Variants in NFATC3 observed in about 807,000 individuals in gnomAD.
NFATC3 encodes nuclear factor of activated T-cells, cytoplasmic 3.
NFATC3 carries 46 observed loss-of-function variants against 98.6 expected under a neutral mutation model. The observed-to-expected ratio is 0.47, with a 90% CI of 0.37 to 0.60. NFATC3 has a LOEUF of 0.60. Among genes scored for constraint, NFATC3 ranks in the 20% least tolerant of loss-of-function variants. NFATC3 has a pLI of 0.00. For synonymous variants in NFATC3, 512 were observed against 472.2 expected (o/e 1.08, Z -1.09); for missense variants, 1,256 against 1,295.5 (o/e 0.97, Z 0.47).
intron 9 of NFATC3, among the ~76,000 whole-genome samples, chr16:68,196,575 C>T (rs1459207787): frequency 6.6e-6 from 1 of 152,094 alleles, no homozygotes; most frequent in East Asian, 1.9e-4. Flanking sequence ...AGCTTGTAAT[C>T]CCAGCTATTC....
At chr16:68,132,555 C>T (rs567428671) in intron 3 of NFATC3, among the ~76,000 whole-genome samples, 11 of 152,252 alleles carry the variant, frequency 7.2e-5, no homozygotes, top group Admixed American at 3.9e-4. Context: ...GGGAATTCAT[C>T]CATAGAAGAG....
At chr16:68,160,715 A>G (rs2038852238) in intron 4 of NFATC3, among the ~76,000 whole-genome samples, 1 of 151,258 alleles carries the variant, frequency 6.6e-6, no homozygotes, top group Non-Finnish European at 1.5e-5. Flanking sequence ...TAGACTGTCT[A>G]AATTTGTTGC....
At chr16:68,217,748 A>G (rs1418339716) in intron 9 of NFATC3, 1 of 1,231,466 alleles carries the variant, frequency 8.1e-7, no homozygotes, top group Non-Finnish European at 1.0e-6. Context: ...GTCATGACTG[A>G]GTCTTAGCCC....
At chr16:68,130,425 A>G (rs947671769) in intron 3 of NFATC3, among the ~76,000 whole-genome samples, 1 of 151,944 alleles carries the variant, frequency 6.6e-6, no homozygotes, top group African/African-American at 2.4e-5. Flanking sequence ...ATTTTTTTAT[A>G]TACCTGTTTG....
intron 9 of NFATC3, among the ~76,000 whole-genome samples, chr16:68,196,975 A>G (rs536382142): frequency 2.0e-5 from 3 of 152,290 alleles, no homozygotes; most frequent in African/African-American, 7.2e-5. Flanking sequence ...GGTTGCGGTG[A>G]GCCGAGATTG....
At chr16:68,137,858 C>T (rs2037519262) in intron 3 of NFATC3, among the ~76,000 whole-genome samples, 2 of 151,908 alleles carry the variant, frequency 1.3e-5, no homozygotes, top group African/African-American at 2.4e-5. Flanking sequence ...CCTCGTGATC[C>T]GCCCTCCTCG....
chr16:68,104,587 T>G (rs1056772805), intron 1 of NFATC3, among the ~76,000 whole-genome samples: 2 of 152,036 alleles, frequency 1.3e-5, no homozygotes, highest in Non-Finnish European at 1.5e-5. Context: ...TTATCTTGCT[T>G]CTTATCTTGG....
chr16:68,211,587 A>G (rs747139468), intron 9 of NFATC3, among the ~76,000 whole-genome samples: 1 of 151,190 alleles, frequency 6.6e-6, no homozygotes, highest in Non-Finnish European at 1.5e-5. Flanking sequence ...CAATGGCATG[A>G]TCTCAGCTCA....
chr16:68,133,883 TTA>T (rs1567514382), intron 3 of NFATC3, among the ~76,000 whole-genome samples: 2 of 151,080 alleles, frequency 1.3e-5, no homozygotes, highest in Admixed American at 6.6e-5. Flanking sequence ...GCCCTTTTTT[TTA>T]AAAAAAAAAA....
intron 9 of NFATC3, chr16:68,209,867 A>ACT: frequency 3.5e-6 from 1 of 283,478 alleles, no homozygotes; most frequent in South Asian, 3.0e-5. Flanking sequence ...ACACACACAC[A>ACT]CTCACAGTCA....
At position 68,227,300 on chromosome 16, in the gene NFATC3, A is replaced by G. The variant is rs2042058415; in HGVS notation, c.*829A>G. On this transcript the variant is annotated 3_prime_UTR_variant, in exon 10 of 10. Transcript: ENST00000346183. The stretch of plus-strand genomic sequence containing the variant: ...TTGGTCACTTTCATTTCTTGCCATC[A>G]TAAAAACTAGTAGGCTGTGGAGTGC... 1 of 152,214 alleles carries G rather than the reference A, an allele frequency of 6.6e-6. No homozygotes were observed. The highest frequency in any genetic ancestry group is 6.5e-5 in the Admixed American group (1 of 15,268). The allele number at this position is 152,214 out of a possible 1,614,324, so 9.4% of individuals were successfully genotyped here.
At chr16:68,152,667 C>T (rs2038401824) in intron 3 of NFATC3, among the ~76,000 whole-genome samples, 1 of 152,130 alleles carries the variant, frequency 6.6e-6, no homozygotes, top group African/African-American at 2.4e-5. Context: ...AGGTGCATGC[C>T]TTCACGTCTG....
At chr16:68,185,707 C>G (rs1028699394) in intron 8 of NFATC3, among the ~76,000 whole-genome samples, 1 of 151,730 alleles carries the variant, frequency 6.6e-6, no homozygotes, top group Non-Finnish European at 1.5e-5. Flanking sequence ...ACTAAAAATA[C>G]AAAAAATCAG....
intron 9 of NFATC3, among the ~76,000 whole-genome samples, chr16:68,208,942 C>G (rs962388130): frequency 6.6e-6 from 1 of 152,044 alleles, no homozygotes; most frequent in Non-Finnish European, 1.5e-5. Flanking sequence ...AGATAATTTT[C>G]TCTCTTCCTT....
At chr16:68,148,784 G>A (rs920732847) in intron 3 of NFATC3, among the ~76,000 whole-genome samples, 1 of 152,156 alleles carries the variant, frequency 6.6e-6, no homozygotes, top group Admixed American at 6.5e-5. Flanking sequence ...GAGGCGGGTG[G>A]ATCATTTGAG....
chr16:68,181,421 C>A (rs1043175099), intron 6 of NFATC3, 54 bp from the exon 7 acceptor site: 6 of 1,317,384 alleles, frequency 4.6e-6, no homozygotes, highest in Non-Finnish European at 5.5e-6. Flanking sequence ...TAGATTTTGT[C>A]TGTATGCTTT....
chr16:68,125,548 A>G (rs1292116109), intron 2 of NFATC3, among the ~76,000 whole-genome samples: 1 of 152,210 alleles, frequency 6.6e-6, no homozygotes, highest in Non-Finnish European at 1.5e-5. Context: ...AGACAGGGAA[A>G]GGCGCAGTAG....
intron 3 of NFATC3, among the ~76,000 whole-genome samples, chr16:68,148,991 A>G (rs1376896521): frequency 6.6e-6 from 1 of 152,142 alleles, no homozygotes; most frequent in Non-Finnish European, 1.5e-5. Flanking sequence ...GCGAGACTCC[A>G]TCTTAAAAGA....
chr16:68,144,060 G>C (rs747521901), intron 3 of NFATC3, among the ~76,000 whole-genome samples: 1 of 152,056 alleles, frequency 6.6e-6, no homozygotes, highest in African/African-American at 2.4e-5. Context: ...AGGATGAAAA[G>C]ACAAGCTACA....
Sources: allele counts gnomAD v4.1 joint callset (sites outside exome capture counted in the v4.1 genomes callset), GRCh38; gene constraint gnomAD v4.1.1; transcripts MANE v1.5; gene names NCBI Gene and HGNC (gene_info 2026-07-23, HGNC 2026-07-21).